Variants in UBE2O observed in about 807,000 individuals in gnomAD.
UBE2O encodes the protein (E3-independent) E2 ubiquitin-conjugating enzyme.
In UBE2O, 15 loss-of-function variants were observed where a neutral mutation model predicts 125.8. That is an observed-to-expected ratio of 0.12 (90% CI 0.08 to 0.18). The LOEUF (loss-of-function observed/expected upper bound fraction) is 0.18. Ranked by LOEUF, UBE2O falls within the 10% of genes least tolerant of loss-of-function variation. The pLI is 1.00. For missense variants in UBE2O, 1,280 were observed against 1,723.6 expected (o/e 0.74, Z 4.56); for synonymous variants, 708 against 703.2 (o/e 1.01, Z -0.11).
chr17:76,391,623 C>T lies in UBE2O; in HGVS notation c.3209-10G>A, dbSNP rs201983628. ...TTTACCAGGATCAGACCTGTGTGGG[C>T]GGGACACCTTCCCTCAGTGGGTGAG... On this transcript the variant is annotated splice_polypyrimidine_tract_variant and intron_variant, in intron 17 of 17. Coordinates refer to ENST00000319380, the MANE Select transcript of UBE2O (RefSeq NM_022066.4). This position sits in a 1 kb window ranked among gnomAD's most constrained non-coding sequence, Gnocchi z 8.4. 1.0e-4 allele frequency: 164 copies of T among 1,606,088 alleles called. No individual in the cohort carries two copies. The highest frequency in any genetic ancestry group is 1.7e-4 in the Middle Eastern group (1 of 6,036).
rs1344902115 is a variant in UBE2O, at chr17:76,390,816, GGGA to G, written c.*124_*126del. ...GCACTTCAGCATCAAACTCACCTTG[GGGA>G]GAAGAGGGCAGTGGGTTTGCAGTGG... On this transcript the variant is annotated 3_prime_UTR_variant, in exon 18 of 18. Coordinates refer to ENST00000319380, the MANE Select transcript of UBE2O (RefSeq NM_022066.4). 7 of 927,264 alleles carry G rather than the reference GGGA, an allele frequency of 7.5e-6. No individual in the cohort carries two copies. Among genetic ancestry groups the G allele is most frequent in the Admixed American group, 2.6e-5 (1 of 37,970 alleles). The allele number at this position is 927,264 out of a possible 1,614,324, so 57.4% of individuals were successfully genotyped here.
rs140592240 is a variant in UBE2O at position 76,428,955 on chromosome 17, G to A, written c.418-23383C>T. The stretch of plus-strand genomic sequence containing the variant: ...CTTGCTCTGTCGCCCAGGCTGGAGT[G>A]CAGTGGCATGATCTTGGTTCACTGC... On this transcript the variant is annotated intron_variant, in intron 1 of 17. Transcript: ENST00000319380. 2.8e-3 allele frequency among the ~76,000 whole-genome samples: 412 copies of A among 149,620 alleles called. 1 individual carries two copies. Among genetic ancestry groups the A allele is most frequent in the African/African-American group, 9.9e-3 (400 of 40,482 alleles).
Position 76,391,435 on chromosome 17 carries a change from T to C in UBE2O, c.3387A>G (p.Gln1129=). Residue 1129 remains glutamine, a synonymous_variant, in exon 18 of 18, where the codon CAA becomes CAG. Coordinates refer to ENST00000319380, the MANE Select transcript of UBE2O (RefSeq NM_022066.4). This position sits in a 1 kb window ranked among gnomAD's most constrained non-coding sequence, Gnocchi z 8.4. The part of the protein sequence containing the change: ...PPEVFEQEIR[Q]HFSTGGWRLV... ...GCCGCCAGCCACCAGTGCTAAAGTGTTGCCTGATCTCCTGCTCAAAGACCT... is the reference window on the plus strand; with the variant it reads ...GCCGCCAGCCACCAGTGCTAAAGTGCTGCCTGATCTCCTGCTCAAAGACCT... The C allele has an allele frequency of 1.2e-6, 2 of 1,613,738 alleles. No individual in the cohort carries two copies. The highest frequency in any genetic ancestry group is 1.7e-6 in the Non-Finnish European group (2 of 1,180,026).
chr17:76,424,748 T>C (rs1030360755), intron 1 of UBE2O, among the ~76,000 whole-genome samples: 7 of 151,626 alleles, frequency 4.6e-5, no homozygotes, highest in Non-Finnish European at 1.0e-4. Flanking sequence ...AAGCCAGGTG[T>C]TTGAGGTTAC....
chr17:76,399,304 C>G lies in UBE2O; in HGVS notation c.1628+145G>C, dbSNP rs2072272961. On this transcript the variant is annotated intron_variant, in intron 9 of 17. Transcript: ENST00000319380. The surrounding 1 kb of genome is among the most constrained non-coding windows in gnomAD (Gnocchi z 6.9). ...TTCCACCAGGGCCTACCCCAGGCAC[C>G]TACGTTGTCTCGGGTGGGAGCCCCG... 1.2e-6 allele frequency: 1 copy of G among 869,286 alleles called. No homozygotes were observed. Among genetic ancestry groups the G allele is most frequent in the Non-Finnish European group, 1.8e-6 (1 of 562,866 alleles). The allele number at this position is 869,286 out of a possible 1,614,324, so 53.8% of individuals were successfully genotyped here. A position where few individuals can be genotyped will look rare whatever the true frequency, so the allele number is the denominator to read the frequency against.
In UBE2O at chr17:76,391,098, G is replaced by A. The variant is rs2143656431; in HGVS notation, c.3724C>T (p.Arg1242Trp). The A allele has an allele frequency of 1.9e-6, 3 of 1,614,144 alleles. No individual in the cohort carries two copies. Among genetic ancestry groups the A allele is most frequent in the South Asian group, 1.1e-5 (1 of 91,088 alleles). ...CCACTCTTCTCAGGTAAGAAGCTCC[G>A]GTAGCTCTTTCTCCGCTTCTTTGGT... Reference protein sequence around the residue: ...VKPKKRRKSYRSFLPEKSGYP... With the variant: ...VKPKKRRKSYWSFLPEKSGYP... Residue 1242 changes from arginine (R) to tryptophan (W), a missense_variant, in exon 18 of 18, where the codon CGG (arginine) becomes TGG (tryptophan). Arg to Trp is a moderately radical substitution (Grantham distance 101). This residue lies in a region of UBE2O where 233 missense variants were observed against 279.0 expected (regional missense o/e 0.84). Transcript: ENST00000319380. This position sits in a 1 kb window ranked among gnomAD's most constrained non-coding sequence, Gnocchi z 8.4.
At chr17:76,409,042 C>T (rs1316721001) in intron 1 of UBE2O, among the ~76,000 whole-genome samples, 1 of 151,888 alleles carries the variant, frequency 6.6e-6, no homozygotes, top group Non-Finnish European at 1.5e-5. Flanking sequence ...GATCTCGGCT[C>T]ACTGCAAGCT....
Position 76,396,735 on chromosome 17 carries a change from C to G in UBE2O, c.2202G>C (p.Trp734Cys). The G allele has an allele frequency of 6.2e-7, 1 of 1,614,054 alleles. No homozygotes were observed. The highest frequency in any genetic ancestry group is 8.5e-7 in the Non-Finnish European group (1 of 1,179,986). Residue 734 changes from tryptophan to cysteine, a missense_variant, in exon 14 of 18, where the codon TGG (tryptophan) becomes TGC (cysteine). By Grantham distance (215) the Trp-to-Cys change is radical (BLOSUM62 -2). This residue lies in a region of UBE2O where 210 missense variants were observed against 268.9 expected (regional missense o/e 0.78). Transcript: ENST00000319380. The surrounding 1 kb of genome is among the most constrained non-coding windows in gnomAD (Gnocchi z 6.7). ...TCTCCCAGCTGTCACTATCATCTTCCCATTCATCCGAGGATGCCCCGCTGG... is the reference window on the plus strand; with the variant it reads ...TCTCCCAGCTGTCACTATCATCTTCGCATTCATCCGAGGATGCCCCGCTGG... Reference protein sequence around the residue: ...GSTSGASSDEWEDDSDSWETD... With the variant: ...GSTSGASSDECEDDSDSWETD...
In UBE2O at chr17:76,437,143, C is replaced by A. The variant is rs539825362; in HGVS notation, c.417+15582G>T. On this transcript the variant is annotated intron_variant, in intron 1 of 17. Coordinates refer to ENST00000319380, the MANE Select transcript of UBE2O (RefSeq NM_022066.4). ...CAGCCTGGGCAACAAAGTGAGACTCCATCTTTAAAAAAAAAAAAAAAAGGT... is the reference window on the plus strand; with the variant it reads ...CAGCCTGGGCAACAAAGTGAGACTCAATCTTTAAAAAAAAAAAAAAAAGGT... Among the ~76,000 whole-genome samples the A allele has an allele frequency of 1.5e-4, 18 of 120,178 alleles. 1 individual carries two copies. In the South Asian group the frequency reaches 5.8e-3, roughly 39 times the overall value. 78.8% of individuals were successfully genotyped at this position (120,178 alleles called of 152,430 possible).
chr17:76,452,993 G>C lies in UBE2O; in HGVS notation c.149C>G (p.Ser50Cys). 6.7e-7 allele frequency: 1 copy of C among 1,491,072 alleles called. No homozygotes were observed. Among genetic ancestry groups the C allele is most frequent in the South Asian group, 1.3e-5 (1 of 78,228 alleles). The allele number at this position is 1,491,072 out of a possible 1,614,324, so 92.4% of individuals were successfully genotyped here. A position where few individuals can be genotyped will look rare whatever the true frequency, so the allele number is the denominator to read the frequency against. Residue 50 changes from serine to cysteine, a missense_variant, in exon 1 of 18, where the codon TCC (serine) becomes TGC (cysteine). Ser to Cys is a moderately radical substitution (Grantham distance 112). Around this residue, in one of 10 missense-constraint regions of UBE2O, gnomAD observed 188 missense variants for 192.5 expected, o/e 0.98. Coordinates refer to ENST00000319380, the MANE Select transcript of UBE2O (RefSeq NM_022066.4). This position sits in a 1 kb window ranked among gnomAD's most constrained non-coding sequence, Gnocchi z 4.4. Reference protein sequence around the residue: ...SDSASGPSSDSGPEAGSQRLL... With the variant: ...SDSASGPSSDCGPEAGSQRLL... ...GCGCTGCGAGCCGGCTTCTGGGCCG[G>C]AGTCCGAGGACGGCCCGGAGGCCGA...
At chr17:76,425,910 G>A (rs1370585675) in intron 1 of UBE2O, among the ~76,000 whole-genome samples, 1 of 152,054 alleles carries the variant, frequency 6.6e-6, no homozygotes, top group Non-Finnish European at 1.5e-5. Context: ...GTCAGATCCC[G>A]TTTCCTGGAT....
chr17:76,436,090 A>G (rs1391452342), intron 1 of UBE2O, among the ~76,000 whole-genome samples: 1 of 152,168 alleles, frequency 6.6e-6, no homozygotes, highest in Non-Finnish European at 1.5e-5. Flanking sequence ...CTACTAAAAT[A>G]CAAAACATTA....
intron 1 of UBE2O, among the ~76,000 whole-genome samples, chr17:76,429,971 T>A (rs1030418895): frequency 5.9e-5 from 9 of 152,236 alleles, no homozygotes; most frequent in African/African-American, 2.2e-4. Flanking sequence ...AGAGATGACT[T>A]GGGAAGTTTC....
At chr17:76,438,750 C>T (rs776980480) in intron 1 of UBE2O, among the ~76,000 whole-genome samples, 2 of 152,146 alleles carry the variant, frequency 1.3e-5, no homozygotes, top group Non-Finnish European at 2.9e-5. Flanking sequence ...ACCAGTGTTT[C>T]CTCTTGCACT....
At position 76,397,894 on chromosome 17, in the gene UBE2O, G is replaced by A. The variant is rs201081174; in HGVS notation, c.2026-6C>T. The A allele has an allele frequency of 6.2e-7, 1 of 1,613,904 alleles. No individual in the cohort carries two copies. The highest frequency in any genetic ancestry group is 8.5e-7 in the Non-Finnish European group (1 of 1,180,006). ...GCCACCTGGCCCACCGATGGCTGCT[G>A]GGCAAAGGGGACAAAGTCAGGGGGC... On this transcript the variant is annotated splice_region_variant and splice_polypyrimidine_tract_variant and intron_variant, in intron 12 of 17. Coordinates refer to ENST00000319380, the MANE Select transcript of UBE2O (RefSeq NM_022066.4).
At chr17:76,434,624 G>C (rs1263740567) in intron 1 of UBE2O, among the ~76,000 whole-genome samples, 3 of 152,120 alleles carry the variant, frequency 2.0e-5, no homozygotes, top group Admixed American at 2.0e-4. Context: ...GGGTTGTGGA[G>C]AGTCCTTTTA....
chr17:76,438,822 T>C (rs1159246938), intron 1 of UBE2O, among the ~76,000 whole-genome samples: 2 of 151,984 alleles, frequency 1.3e-5, no homozygotes, highest in African/African-American at 4.8e-5. Flanking sequence ...CACTTCCGGG[T>C]CATTTTGTGT....
chr17:76,399,099 C>T lies in UBE2O; in HGVS notation c.1629-108G>A. ...TCCCTGTGGGCTTGGTAACCTGAAA[C>T]TCTGAATCCCAGGTTGGCAGGATGA... On this transcript the variant is annotated intron_variant, in intron 9 of 17. Coordinates refer to ENST00000319380, the MANE Select transcript of UBE2O (RefSeq NM_022066.4). This position sits in a 1 kb window ranked among gnomAD's most constrained non-coding sequence, Gnocchi z 6.9. The T allele has an allele frequency of 7.1e-7, 1 of 1,401,780 alleles. No homozygotes were observed. Among genetic ancestry groups the T allele is most frequent in the Non-Finnish European group, 9.6e-7 (1 of 1,046,592 alleles). 86.8% of individuals were successfully genotyped at this position (1,401,780 alleles called of 1,614,324 possible).
Position 76,451,351 on chromosome 17 carries a change from A to G in UBE2O, c.417+1374T>C, listed in dbSNP as rs187571060. On this transcript the variant is annotated intron_variant, in intron 1 of 17. Transcript: ENST00000319380. ...TCCAAATACTCTTGTAAATGGACTGATAATTTTCCTTCCAAGTCTCAGAGC... is the reference window on the plus strand; with the variant it reads ...TCCAAATACTCTTGTAAATGGACTGGTAATTTTCCTTCCAAGTCTCAGAGC... Among the ~76,000 whole-genome samples, 4 of 152,312 alleles carry G rather than the reference A, an allele frequency of 2.6e-5. No individual in the cohort carries two copies. The East Asian group carries it at 7.7e-4, about 29-fold the overall frequency.
Sources: allele counts gnomAD v4.1 joint callset (sites outside exome capture counted in the v4.1 genomes callset), GRCh38; gene constraint gnomAD v4.1.1; regional missense constraint gnomAD v4.1.1; non-coding constraint Gnocchi (gnomAD v3.1); transcripts MANE v1.5; gene names NCBI Gene and HGNC (gene_info 2026-07-23, HGNC 2026-07-21).